Variants in KIF13A observed in about 807,000 individuals in gnomAD.
The protein encoded by KIF13A is kinesin family member 13A.
KIF13A carries 79 observed loss-of-function variants against 212.2 expected under a neutral mutation model. The ratio of observed to expected loss-of-function variants is 0.37; its 90% CI spans 0.31 to 0.45. The LOEUF (loss-of-function observed/expected upper bound fraction) is 0.45. KIF13A is among the 20% of genes least tolerant of loss of function. The pLI, the probability that KIF13A is intolerant of heterozygous loss-of-function variation, is 1.00. For missense variants in KIF13A, 1,901 were observed against 2,209.0 expected, an observed-to-expected ratio of 0.86 and a Z score of 2.79; for synonymous variants, 789 against 808.6, an observed-to-expected ratio of 0.98 and a Z score of 0.41.
Position 17,855,316 on chromosome 6 carries a change from G to A in KIF13A, c.494+121C>T, listed in dbSNP as rs909123056. The A allele has an allele frequency of 2.2e-5, 16 of 717,150 alleles. No homozygotes were observed. Among genetic ancestry groups the A allele is most frequent in the Middle Eastern group, 8.4e-4 (2 of 2,378 alleles). 44.4% of individuals were successfully genotyped at this position (717,150 alleles called of 1,614,324 possible). ...AGAAGCTGATGATTTTTCTGTAAATGAATGAAAACCAGTGTAGTCACCAAG... is the reference window on the plus strand; with the variant it reads ...AGAAGCTGATGATTTTTCTGTAAATAAATGAAAACCAGTGTAGTCACCAAG... On this transcript the variant is annotated intron_variant, in intron 6 of 38. Coordinates refer to ENST00000259711, the MANE Select transcript of KIF13A (RefSeq NM_022113.6). The surrounding 1 kb of genome is among the most constrained non-coding windows in gnomAD (Gnocchi z 4.1).
intron 9 of KIF13A, among the ~76,000 whole-genome samples, chr6:17,848,558 C>CTTTTT (rs66477046): frequency 1.5e-4 from 10 of 68,888 alleles, no homozygotes; most frequent in Non-Finnish European, 1.9e-4. Context: ...ACTCGTACAT[C>CTTTTT]TTTTTTTTTT....
At chr6:17,845,452 G>C (rs757847011) in intron 9 of KIF13A, among the ~76,000 whole-genome samples, 52 of 152,222 alleles carry the variant, frequency 3.4e-4, no homozygotes, top group Non-Finnish European at 5.6e-4. Flanking sequence ...CACTTTTGGA[G>C]ATGTTAGCTT....
In KIF13A at chr6:17,837,007, T is replaced by A; in HGVS notation, c.1026A>T (p.Thr342=). ...AADNYEETLS[T]LRYADRAKRI... ...TTTTGGCTCGGTCTGCATATCTTAA[T>A]GTGGAGAGGGTCTCTTCATAGTTGT... The change falls in exon 11 of 39, where the codon ACA becomes ACT. Residue 342 remains threonine (T), a synonymous_variant. Coordinates refer to ENST00000259711, the MANE Select transcript of KIF13A (RefSeq NM_022113.6). The surrounding 1 kb of genome is among the most constrained non-coding windows in gnomAD (Gnocchi z 5.4). 2 of 1,613,976 alleles carry A rather than the reference T, an allele frequency of 1.2e-6. No homozygotes were observed. Among genetic ancestry groups the A allele is most frequent in the African/African-American group, 1.3e-5 (1 of 75,050 alleles).
intron 22 of KIF13A, among the ~76,000 whole-genome samples, chr6:17,798,580 C>T (rs944342142): frequency 6.6e-6 from 1 of 151,946 alleles, no homozygotes; most frequent in African/African-American, 2.4e-5. Flanking sequence ...GCATGATTTG[C>T]AAAAGAAGGG....
At position 17,926,009 on chromosome 6, in the gene KIF13A, C is replaced by A. The variant is rs1458059660; in HGVS notation, c.147-27829G>T. ...ACTCTTAAAGAGAATCTGCTGTGCC[C>A]ACAGCACCAGAAGAGGCAGCTGTAT... On this transcript the variant is annotated intron_variant, in intron 2 of 38. Transcript: ENST00000259711. The surrounding 1 kb of genome is among the most constrained non-coding windows in gnomAD (Gnocchi z 4.3). Among the ~76,000 whole-genome samples, 3 of 152,216 alleles carry A rather than the reference C, an allele frequency of 2.0e-5. No individual in the cohort carries two copies. Among genetic ancestry groups the A allele is most frequent in the Middle Eastern group, 3.4e-3 (1 of 294 alleles).
intron 4 of KIF13A, among the ~76,000 whole-genome samples, chr6:17,860,064 A>G (rs949891685): frequency 1.3e-5 from 2 of 152,114 alleles, no homozygotes; most frequent in African/African-American, 4.8e-5. Context: ...GTGACTCCCT[A>G]CTGTCAAGGC....
rs1467605693 is a variant in KIF13A at position 17,871,601 on chromosome 6, G to A, written c.220+1776C>T. Among the ~76,000 whole-genome samples, 2 of 152,100 alleles carry A rather than the reference G, an allele frequency of 1.3e-5. No homozygotes were observed. Among genetic ancestry groups the A allele is most frequent in the Admixed American group, 6.6e-5 (1 of 15,266 alleles). ...TCTGGCTTCCTGAGTTATATGAGAGGAACCAACAACAGACACTGGGCTGAG... is the reference window on the plus strand; with the variant it reads ...TCTGGCTTCCTGAGTTATATGAGAGAAACCAACAACAGACACTGGGCTGAG... On this transcript the variant is annotated intron_variant, in intron 4 of 38. Coordinates refer to ENST00000259711, the MANE Select transcript of KIF13A (RefSeq NM_022113.6). This position sits in a 1 kb window ranked among gnomAD's most constrained non-coding sequence, Gnocchi z 4.4.
rs375933639 is a variant in KIF13A, at chr6:17,776,657, T to C, written c.4170+620A>G. On this transcript the variant is annotated intron_variant, in intron 34 of 38. Transcript: ENST00000259711. The surrounding 1 kb of genome is among the most constrained non-coding windows in gnomAD (Gnocchi z 4.6). ...TAGAGAACAGGAAGGCAAATAAGCC[T>C]GTGTTTTTCCTTGGAAAGACCTTAC... 1.4e-4 allele frequency among the ~76,000 whole-genome samples: 21 copies of C among 152,366 alleles called. 1 individual carries two copies. Among genetic ancestry groups the C allele is most frequent in the Admixed American group, 9.1e-4 (14 of 15,304 alleles).
At chr6:17,795,568 G>C (rs1266468298) in intron 23 of KIF13A, among the ~76,000 whole-genome samples, 4 of 149,266 alleles carry the variant, frequency 2.7e-5, no homozygotes, top group African/African-American at 9.8e-5. Flanking sequence ...GCACACTCCA[G>C]CCTGGGAGAC....
At chr6:17,876,579 T>C (rs1770574224) in intron 3 of KIF13A, among the ~76,000 whole-genome samples, 1 of 152,202 alleles carries the variant, frequency 6.6e-6, no homozygotes, top group South Asian at 2.1e-4. Flanking sequence ...TCTCAATTAT[T>C]TTATTTTTCA....
Position 17,764,123 on chromosome 6 carries a change from A to T in KIF13A, c.5405T>A (p.Leu1802Gln). Residue 1802 changes from leucine (L) to glutamine (Q), a missense_variant, in exon 39 of 39, where the codon CTG becomes CAG. By Grantham distance (113) the Leu-to-Gln change is moderately radical. Transcript: ENST00000259711. This position sits in a 1 kb window ranked among gnomAD's most constrained non-coding sequence, Gnocchi z 5.1. ...AGTTAGACATACTCATTGACAGCAC[A>T]GAACCCAAAAGGCTGCCTCTGGAAT... is the stretch of plus-strand genomic sequence containing the variant. ...VIIPEAAFWV[L>Q]CCQ The T allele has an allele frequency of 6.2e-7, 1 of 1,613,916 alleles. No homozygotes were observed. The highest frequency in any genetic ancestry group is 1.3e-5 in the African/African-American group (1 of 75,072).
At position 17,763,918 on chromosome 6, in the gene KIF13A, C is replaced by A. The variant is rs1006281091; in HGVS notation, c.*192G>T. ...CAACCCATGTGCCAGGTAAAAAAAT[C>A]CACTGGTCTTATAATTTCACAATTG... On this transcript the variant is annotated 3_prime_UTR_variant, in exon 39 of 39. Transcript: ENST00000259711. 4.2e-6 allele frequency: 6 copies of A among 1,425,252 alleles called. No homozygotes were observed. In the African/African-American group the frequency reaches 7.2e-5, roughly 17 times the overall value. The allele number at this position is 1,425,252 out of a possible 1,614,324, so 88.3% of individuals were successfully genotyped here.
rs1581816715 is a variant in KIF13A, at chr6:17,947,636, C to T, written c.146+39418G>A. ...CTGAGGTCAGGAGTTTGAGACCAGC[C>T]GACCAGCCTGGGCAACACGGTGAAA... On this transcript the variant is annotated intron_variant, in intron 2 of 38. Coordinates refer to ENST00000259711, the MANE Select transcript of KIF13A (RefSeq NM_022113.6). This position sits in a 1 kb window ranked among gnomAD's most constrained non-coding sequence, Gnocchi z 4.6. 6.6e-6 allele frequency among the ~76,000 whole-genome samples: 1 copy of T among 151,858 alleles called. No homozygotes were observed. The highest frequency in any genetic ancestry group is 1.5e-5 in the Non-Finnish European group (1 of 67,942).
chr6:17,854,981 T>C (rs1768012534), intron 6 of KIF13A, among the ~76,000 whole-genome samples: 1 of 152,124 alleles, frequency 6.6e-6, no homozygotes, highest in Non-Finnish European at 1.5e-5. Flanking sequence ...CTGAATACAG[T>C]CTCTATGGGT....
intron 9 of KIF13A, among the ~76,000 whole-genome samples, chr6:17,846,422 T>C (rs1369831351): frequency 6.6e-6 from 1 of 151,888 alleles, no homozygotes; most frequent in Non-Finnish European, 1.5e-5. Context: ...GAAGATCATA[T>C]CTCATAAACT....
Position 17,855,919 on chromosome 6 carries a change from C to T in KIF13A, c.313+111G>A, listed in dbSNP as rs1768097374. The T allele has an allele frequency of 2.0e-5, 15 of 746,872 alleles. No homozygotes were observed. In the South Asian group the frequency reaches 2.6e-4, roughly 13 times the overall value. 46.3% of individuals were successfully genotyped at this position (746,872 alleles called of 1,614,324 possible). A position where few individuals can be genotyped will look rare whatever the true frequency, so the allele number is the denominator to read the frequency against. The stretch of plus-strand genomic sequence containing the variant: ...TAAAGACGGGTCTTACTATGTTGCC[C>T]AGGCTGGTCTCAAACTCCTGGGCTC... On this transcript the variant is annotated intron_variant, in intron 5 of 38. Coordinates refer to ENST00000259711, the MANE Select transcript of KIF13A (RefSeq NM_022113.6). The surrounding 1 kb of genome is among the most constrained non-coding windows in gnomAD (Gnocchi z 4.1).
At chr6:17,852,136 A>C in intron 6 of KIF13A, 94 bp from the exon 7 acceptor site, 1 of 560,156 alleles carries the variant, frequency 1.8e-6, no homozygotes. Flanking sequence ...TAACAATTTC[A>C]AAAGAATTTT....
intron 2 of KIF13A, among the ~76,000 whole-genome samples, chr6:17,933,899 C>T (rs942671623): frequency 7.9e-5 from 12 of 152,182 alleles, no homozygotes; most frequent in Non-Finnish European, 1.6e-4. Context: ...TCACATTTAT[C>T]TCAGCCAGCT....
At chr6:17,950,233 C>T (rs1041053882) in intron 2 of KIF13A, among the ~76,000 whole-genome samples, 2 of 152,028 alleles carry the variant, frequency 1.3e-5, no homozygotes, top group Admixed American at 6.6e-5. Flanking sequence ...CTGTTGATCT[C>T]CATAAATACA....
Sources: gnomAD v4.1 joint callset for allele counts (sites outside exome capture counted in the v4.1 genomes callset) on GRCh38, gnomAD v4.1.1 for gene constraint, Gnocchi (gnomAD v3.1) non-coding constraint, MANE v1.5 for transcripts, NCBI Gene and HGNC (gene_info 2026-07-23, HGNC 2026-07-21) for gene names.